The following CCDC7 variants were observed in gnomAD, a reference collection of about 807,000 sequenced individuals.
The protein encoded by CCDC7 is coiled-coil domain containing 7, also known as coiled-coil domain-containing protein 7.
CCDC7 carries 183 observed loss-of-function variants against 196.9 expected under a neutral mutation model. The observed-to-expected ratio is 0.93, with a 90% confidence interval of 0.82 to 1.05. CCDC7 has a LOEUF of 1.05. Among genes scored for constraint, CCDC7 ranks in the 50% least tolerant of loss-of-function variants. The probability of loss-of-function intolerance (pLI) is 0.00; values close to 1 mark genes in which losing one functional copy is unlikely to be tolerated. For missense variants in CCDC7, 1,540 were observed against 1,482.2 expected (o/e 1.04, Z -0.64); for synonymous variants, 525 against 484.6 (o/e 1.08, Z -1.10).
rs1279264694 is a variant in CCDC7, at chr10:32,511,782, C to T, written c.873-6163C>T. The T allele has an allele frequency of 1.1e-5, 15 of 1,414,280 alleles. 1 individual carries two copies. The South Asian group carries it at 1.3e-4, about 12-fold the overall frequency. 87.6% of individuals were successfully genotyped at this position (1,414,280 alleles called of 1,614,324 possible). On this transcript the variant is annotated intron_variant, in intron 9 of 41. Transcript: ENST00000639629. ...CCTTCGACTCCAGCCTCCCGGAAAG[C>T]GGTCGGGCAACGATGACGACAATGA...
At chr10:32,696,452 A>G (rs80307518) in intron 24 of CCDC7, among the ~76,000 whole-genome samples, 21,765 of 151,828 alleles carry the variant, frequency 0.14, 1,899 homozygotes, top group African/African-American at 0.25. Context: ...GGACATAGGG[A>G]CATTGGCCAT....
intron 20 of CCDC7, among the ~76,000 whole-genome samples, chr10:32,636,483 G>GT (rs769877802): frequency 2.1e-4 from 32 of 152,182 alleles, no homozygotes; most frequent in East Asian, 3.9e-4. Context: ...GCGGTGTTTG[G>GT]TTTTTTGTCC....
chr10:32,614,059 T>G (rs2062487787), intron 18 of CCDC7, among the ~76,000 whole-genome samples: 1 of 152,252 alleles, frequency 6.6e-6, no homozygotes, highest in Middle Eastern at 3.4e-3. Flanking sequence ...TTGTAGGCCT[T>G]TAAGAAGTTT....
At chr10:32,725,329 G>C (rs1300427307) in intron 25 of CCDC7, 1 of 470,738 alleles carries the variant, frequency 2.1e-6, no homozygotes, top group South Asian at 1.5e-5. Flanking sequence ...CCTACTAAAA[G>C]AATTTCATGA....
chr10:32,770,204 C>A (rs577147613), intron 28 of CCDC7, among the ~76,000 whole-genome samples: 1 of 152,184 alleles, frequency 6.6e-6, no homozygotes, highest in East Asian at 1.9e-4. Context: ...TCAGGAGCAA[C>A]GTTGGGTTGT....
In CCDC7 at chr10:32,500,771, G is replaced by A. The variant is rs888157075; in HGVS notation, c.872+8774G>A. On this transcript the variant is annotated intron_variant, in intron 9 of 41. Transcript: ENST00000639629. The stretch of plus-strand genomic sequence containing the variant: ...GCCTGGGCAACATTGAGCCCTGAGT[G>A]AGCGAGACTCCGTCTGCAATCCTGG... Among the ~76,000 whole-genome samples the A allele has an allele frequency of 2.0e-5, 3 of 152,330 alleles. No homozygotes were observed. The East Asian group carries it at 5.8e-4, about 29-fold the overall frequency.
rs555444059 is a variant in CCDC7, at chr10:32,560,202, T to G, written c.1135-5356T>G. Among the ~76,000 whole-genome samples, 1,067 of 152,328 alleles carry G rather than the reference T, an allele frequency of 7.0e-3. 13 individuals carry two copies. The highest frequency in any genetic ancestry group is 0.024 in the African/African-American group (1,018 of 41,564). ...AGACCAAATCTATGTCTGATTGGTGTACCTGAAAATGACAGGGAGAATGGA... is the reference window on the plus strand; with the variant it reads ...AGACCAAATCTATGTCTGATTGGTGGACCTGAAAATGACAGGGAGAATGGA... On this transcript the variant is annotated intron_variant, in intron 13 of 41. Coordinates refer to ENST00000639629, the Ensembl canonical transcript of CCDC7.
intron 29 of CCDC7, among the ~76,000 whole-genome samples, chr10:32,786,438 A>G (rs1232825439): frequency 6.6e-6 from 1 of 152,250 alleles, no homozygotes; most frequent in Non-Finnish European, 1.5e-5. Context: ...GGAAGCTCAT[A>G]CAATGTACTT....
chr10:32,599,205 T>C (rs376196812), intron 18 of CCDC7, among the ~76,000 whole-genome samples: 3 of 152,350 alleles, frequency 2.0e-5, no homozygotes, highest in African/African-American at 7.2e-5. Flanking sequence ...GTCTGTTTTG[T>C]TTGATATTAG....
chr10:32,584,453 A>G, intron 18 of CCDC7, 149 bp downstream of exon 19: 1 of 495,740 alleles, frequency 2.0e-6, no homozygotes. Context: ...TATAACGACA[A>G]TTATATAAAA....
chr10:32,473,273 T>C lies in CCDC7; in HGVS notation c.740-694T>C, dbSNP rs184841821. Among the ~76,000 whole-genome samples the C allele has an allele frequency of 1.7e-3, 254 of 152,184 alleles. 2 individuals are homozygous for C. Among genetic ancestry groups the C allele is most frequent in the African/African-American group, 5.9e-3 (244 of 41,518 alleles). ...GCTTTATGCAACTTTAAAGGGTGAA[T>C]AGGATTTAGTCAAGTAAAGAAGGGA... On this transcript the variant is annotated intron_variant, in intron 7 of 41. Transcript: ENST00000639629.
intron 24 of CCDC7, among the ~76,000 whole-genome samples, chr10:32,701,951 T>G (rs1022736962): frequency 1.3e-5 from 2 of 152,224 alleles, no homozygotes; most frequent in African/African-American, 4.8e-5. Context: ...TCAATTTTGT[T>G]GGTCTTTTCA....
intron 41 of CCDC7, among the ~76,000 whole-genome samples, chr10:32,855,174 C>T (rs535802668): frequency 1.0e-3 from 156 of 150,988 alleles, no homozygotes; most frequent in African/African-American, 3.6e-3. Context: ...CTATTGAAAT[C>T]CCAAATACTT....
intron 29 of CCDC7, among the ~76,000 whole-genome samples, chr10:32,797,245 GTA>G (rs765684297): frequency 8.0e-5 from 12 of 149,348 alleles, no homozygotes; most frequent in African/African-American, 2.0e-4. Flanking sequence ...ATATATATGC[GTA>G]TATATATGTG....
At chr10:32,717,785 G>A (rs1160460193) in intron 25 of CCDC7, among the ~76,000 whole-genome samples, 1 of 151,520 alleles carries the variant, frequency 6.6e-6, no homozygotes, top group Non-Finnish European at 1.5e-5. Flanking sequence ...AGAAGAAATG[G>A]TTAAATTCCT....
chr10:32,724,982 C>G (rs1440701552), intron 25 of CCDC7, among the ~76,000 whole-genome samples: 1 of 152,058 alleles, frequency 6.6e-6, no homozygotes, highest in East Asian at 1.9e-4. Flanking sequence ...AGATCACACA[C>G]AACATTTTAA....
intron 28 of CCDC7, among the ~76,000 whole-genome samples, chr10:32,748,758 A>C (rs1403448373): frequency 7.9e-5 from 12 of 152,068 alleles, no homozygotes; most frequent in Admixed American, 7.9e-4. Context: ...ATTTCCCTTC[A>C]TGTAGGCTTG....
intron 18 of CCDC7, among the ~76,000 whole-genome samples, chr10:32,619,538 A>G (rs1252130611): frequency 6.6e-6 from 1 of 152,216 alleles, no homozygotes; most frequent in Admixed American, 6.5e-5. Context: ...ACATACAGGC[A>G]TATATGTTAA....
chr10:32,572,969 C>G (rs2057756689), intron 16 of CCDC7, among the ~76,000 whole-genome samples: 1 of 150,520 alleles, frequency 6.6e-6, no homozygotes, highest in Non-Finnish European at 1.5e-5. Flanking sequence ...CCTCTGCCTC[C>G]CAGGTTCAAG....
Sources: allele counts gnomAD v4.1 joint callset (sites outside exome capture counted in the v4.1 genomes callset), GRCh38; gene constraint gnomAD v4.1.1; transcripts MANE v1.5; gene names NCBI Gene and HGNC (gene_info 2026-07-23, HGNC 2026-07-21).